Variants in FRAS1 observed in about 807,000 individuals in gnomAD.
FRAS1 encodes Fraser extracellular matrix complex subunit 1, also known as extracellular matrix organizing protein FRAS1.
In FRAS1, 290 loss-of-function variants were observed where a neutral mutation model predicts 435.2. The observed-to-expected ratio is 0.67, with a 90% CI of 0.61 to 0.73. The LOEUF is 0.73. Ranked by LOEUF, FRAS1 falls within the 30% of genes least tolerant of loss-of-function variation. The pLI is 0.00. For synonymous variants in FRAS1, 1,800 were observed against 1,851.0 expected, an observed-to-expected ratio of 0.97 and a Z score of 0.71; for missense variants, 4,860 against 5,001.5, an observed-to-expected ratio of 0.97 and a Z score of 0.85.
chr4:78,239,586 G>A (rs1724915499), intron 3 of FRAS1, among the ~76,000 whole-genome samples: 2 of 152,078 alleles, frequency 1.3e-5, no homozygotes, highest in Admixed American at 6.6e-5. Flanking sequence ...CTTACTCAAA[G>A]TAACATTTCC....
intron 2 of FRAS1, among the ~76,000 whole-genome samples, chr4:78,101,601 A>G (rs948439851): frequency 3.3e-5 from 5 of 152,262 alleles, no homozygotes; most frequent in South Asian, 2.1e-4. Flanking sequence ...GAAAATAGGA[A>G]TTTTCTCTCT....
chr4:78,373,690 G>T (rs1428912243), intron 24 of FRAS1, among the ~76,000 whole-genome samples: 1 of 151,784 alleles, frequency 6.6e-6, no homozygotes, highest in Non-Finnish European at 1.5e-5. Context: ...AGCCAGAATC[G>T]CTTGAACCCG....
rs550025371 is a variant in FRAS1, at chr4:78,115,854, T to C, written c.108+49838T>C. 4.6e-5 allele frequency among the ~76,000 whole-genome samples: 7 copies of C among 152,204 alleles called. 1 individual carries two copies. The highest frequency in any genetic ancestry group is 1.9e-4 in the East Asian group (1 of 5,188). ...TTCAGTTCTTCTCTGATCTTAGTTA[T>C]TTTTTGCCTTCTGCTAGCTTTTGAG... On this transcript the variant is annotated intron_variant, in intron 2 of 73. Coordinates refer to ENST00000512123, the MANE Select transcript of FRAS1 (RefSeq NM_025074.7).
intron 2 of FRAS1, among the ~76,000 whole-genome samples, chr4:78,101,971 G>C (rs1487187199): frequency 6.6e-6 from 1 of 152,114 alleles, no homozygotes; most frequent in Non-Finnish European, 1.5e-5. Flanking sequence ...ACAAATAAAA[G>C]CCATTCCCCC....
intron 14 of FRAS1, among the ~76,000 whole-genome samples, chr4:78,303,723 T>A (rs1207471321): frequency 6.6e-6 from 1 of 152,062 alleles, no homozygotes; most frequent in Non-Finnish European, 1.5e-5. Flanking sequence ...GAGACTTTGC[T>A]GAAGTTGCTT....
chr4:78,365,806 C>T (rs1006531624), intron 22 of FRAS1, among the ~76,000 whole-genome samples: 12 of 140,764 alleles, frequency 8.5e-5, no homozygotes, highest in South Asian at 2.2e-4. Context: ...ACCAAAAATA[C>T]AAAAAGAACT....
At chr4:78,373,860 G>A (rs1180608035) in intron 24 of FRAS1, among the ~76,000 whole-genome samples, 1 of 152,130 alleles carries the variant, frequency 6.6e-6, no homozygotes, top group African/African-American at 2.4e-5. Context: ...TGGGTGGGTA[G>A]GACAGTATAT....
intron 47 of FRAS1, among the ~76,000 whole-genome samples, chr4:78,454,193 A>C (rs1215125758): frequency 9.2e-5 from 14 of 151,370 alleles, no homozygotes; most frequent in African/African-American, 3.4e-4. Flanking sequence ...AAAAAAGGAC[A>C]TTCCAGACAG....
At chr4:78,105,782 T>C (rs1742384818) in intron 2 of FRAS1, among the ~76,000 whole-genome samples, 1 of 151,654 alleles carries the variant, frequency 6.6e-6, no homozygotes, top group Non-Finnish European at 1.5e-5. Flanking sequence ...GGTCTACAGC[T>C]CCCAGCGTGA....
At chr4:78,171,262 C>G (rs1337519552) in intron 2 of FRAS1, among the ~76,000 whole-genome samples, 1 of 152,076 alleles carries the variant, frequency 6.6e-6, no homozygotes, top group Admixed American at 6.5e-5. Flanking sequence ...CCCTCCCTGT[C>G]CCTCTCAGGG....
chr4:78,264,018 T>C (rs1388051729), intron 6 of FRAS1, among the ~76,000 whole-genome samples: 1 of 152,172 alleles, frequency 6.6e-6, no homozygotes, highest in African/African-American at 2.4e-5. Flanking sequence ...ACAATAAAAT[T>C]GTGTTTTCTA....
chr4:78,488,675 C>T (rs1424118366), intron 58 of FRAS1, among the ~76,000 whole-genome samples, 200 bp from the exon 59 acceptor site: 1 of 152,194 alleles, frequency 6.6e-6, no homozygotes, highest in African/African-American at 2.4e-5. Flanking sequence ...TGGATGCACA[C>T]TTATAGTAGA....
At chr4:78,298,003 C>CCTCTCT (rs765903880) in intron 14 of FRAS1, among the ~76,000 whole-genome samples, 2,715 of 118,918 alleles carry the variant, frequency 0.023, 69 homozygotes, top group African/African-American at 0.066. Flanking sequence ...TTAATTTGTT[C>CCTCTCT]CTCTCTCTCT....
chr4:78,415,885 A>G (rs771266217), intron 32 of FRAS1, among the ~76,000 whole-genome samples: 9 of 152,142 alleles, frequency 5.9e-5, no homozygotes, highest in Non-Finnish European at 1.3e-4. Flanking sequence ...CAGTCAGAAA[A>G]CAAACAGGCT....
chr4:78,182,206 A>G (rs1336812999), intron 2 of FRAS1, among the ~76,000 whole-genome samples: 2 of 152,258 alleles, frequency 1.3e-5, no homozygotes, highest in African/African-American at 4.8e-5. Flanking sequence ...AAGAAATGCT[A>G]TAAAGCAAAA....
rs886059623 is a variant in FRAS1, at chr4:78,057,765, C to G, written c.-245C>G. ...TCCCAAAGCTCACGTTGGCGTCCTG[C>G]CTTGCGGGGGAACTCGGCGCGCTCT... On this transcript the variant is annotated 5_prime_UTR_variant, in exon 1 of 74. Transcript: ENST00000512123. This position sits in a 1 kb window ranked among gnomAD's most constrained non-coding sequence, Gnocchi z 4.2. The G allele has an allele frequency of 1.8e-5, 10 of 554,042 alleles. No individual in the cohort carries two copies. The highest frequency in any genetic ancestry group is 3.2e-5 in the Non-Finnish European group (10 of 311,888). 34.3% of individuals were successfully genotyped at this position (554,042 alleles called of 1,614,324 possible). A position where few individuals can be genotyped will look rare whatever the true frequency, so the allele number is the denominator to read the frequency against.
At chr4:78,274,051 A>C (rs939082763) in intron 9 of FRAS1, among the ~76,000 whole-genome samples, 1 of 152,132 alleles carries the variant, frequency 6.6e-6, no homozygotes, top group Non-Finnish European at 1.5e-5. Context: ...GGGAGGGTGT[A>C]TGTGTCCAGG....
chr4:78,118,847 C>G (rs528945260), intron 2 of FRAS1, among the ~76,000 whole-genome samples: 16 of 152,304 alleles, frequency 1.1e-4, no homozygotes, highest in African/African-American at 3.8e-4. Context: ...CTCCGACACT[C>G]CCCAGTGAGA....
At chr4:78,483,983 C>T (rs1312256969) in intron 58 of FRAS1, among the ~76,000 whole-genome samples, 1 of 151,714 alleles carries the variant, frequency 6.6e-6, no homozygotes, top group African/African-American at 2.4e-5. Flanking sequence ...GTGATATGCT[C>T]ACTACCACAA....
Sources: gnomAD v4.1 joint callset for allele counts (sites outside exome capture counted in the v4.1 genomes callset) on GRCh38, gnomAD v4.1.1 for gene constraint, Gnocchi (gnomAD v3.1) non-coding constraint, MANE v1.5 for transcripts, NCBI Gene and HGNC (gene_info 2026-07-23, HGNC 2026-07-21) for gene names.